Variants in MGMT observed in about 807,000 individuals in gnomAD.
The protein encoded by MGMT is O-6-methylguanine-DNA methyltransferase.
MGMT carries 14 observed loss-of-function variants against 15.9 expected under a neutral mutation model. The observed-to-expected ratio is 0.88, with a 90% confidence interval of 0.58 to 1.37. MGMT has a LOEUF of 1.37. Among genes scored for constraint, MGMT ranks in the 40% most tolerant of loss-of-function variants. The pLI is 0.00. For synonymous variants in MGMT, 130 were observed against 118.2 expected, an observed-to-expected ratio of 1.10 and a Z score of -0.65; for missense variants, 282 against 268.1, an observed-to-expected ratio of 1.05 and a Z score of -0.36.
intron 3 of MGMT, among the ~76,000 whole-genome samples, chr10:129,716,686 C>A (rs1848302639): frequency 6.6e-6 from 1 of 152,142 alleles, no homozygotes; most frequent in Non-Finnish European, 1.5e-5. Flanking sequence ...CCTGCTTTTC[C>A]CCAAGAATTG....
At chr10:129,740,480 A>C (rs1394291359) in intron 3 of MGMT, among the ~76,000 whole-genome samples, 1 of 152,238 alleles carries the variant, frequency 6.6e-6, no homozygotes, top group Non-Finnish European at 1.5e-5. Context: ...GTCAAGGGAT[A>C]GAAAATCAGT....
Position 129,657,674 on chromosome 10 carries a change from A to AACACACACACAC in MGMT, c.126-50200_126-50189dup, listed in dbSNP as rs60284981. Among the ~76,000 whole-genome samples the AACACACACACAC allele has an allele frequency of 1.8e-3, 166 of 93,490 alleles. 1 individual carries two copies. The highest frequency in any genetic ancestry group is 4.2e-3 in the African/African-American group (117 of 27,794). The allele number at this position is 93,490 out of a possible 152,430, so 61.3% of individuals were successfully genotyped here. A position where few individuals can be genotyped will look rare whatever the true frequency, so the allele number is the denominator to read the frequency against. ...GGGGGACAGGCTGGCCAGCTCCTCC[A>AACACACACACAC]ACACACACACACACACACACACACA... On this transcript the variant is annotated intron_variant, in intron 2 of 4. Coordinates refer to ENST00000651593, the MANE Select transcript of MGMT (RefSeq NM_002412.5).
chr10:129,758,456 A>C (rs1444158617), intron 3 of MGMT, among the ~76,000 whole-genome samples: 1 of 151,982 alleles, frequency 6.6e-6, no homozygotes. Context: ...CGCGTGCCCC[A>C]GTTTCTCTCC....
At chr10:129,613,893 G>A (rs11016847) in intron 2 of MGMT, among the ~76,000 whole-genome samples, 37,210 of 152,168 alleles carry the variant, frequency 0.24, 4,806 homozygotes, top group Non-Finnish European at 0.27. Flanking sequence ...GCCGGTCAGT[G>A]CCATGGCTTG....
intron 2 of MGMT, among the ~76,000 whole-genome samples, chr10:129,604,352 A>G (rs541681947): frequency 2.0e-5 from 3 of 152,318 alleles, no homozygotes; most frequent in African/African-American, 7.2e-5. Flanking sequence ...CACTCAGAAA[A>G]ATATTTTATC....
At chr10:129,586,231 CT>C (rs553401266) in intron 2 of MGMT, among the ~76,000 whole-genome samples, 6 of 152,264 alleles carry the variant, frequency 3.9e-5, no homozygotes, top group Admixed American at 3.9e-4. Context: ...GCCACTGTAT[CT>C]CACATATACA....
At chr10:129,535,966 T>C (rs1262331412) in intron 1 of MGMT, among the ~76,000 whole-genome samples, 1 of 152,212 alleles carries the variant, frequency 6.6e-6, no homozygotes, top group East Asian at 1.9e-4. Context: ...TCCTTCGGTG[T>C]TGCGTTGGTT....
chr10:129,583,210 A>T (rs889488159), intron 2 of MGMT, among the ~76,000 whole-genome samples: 5 of 152,228 alleles, frequency 3.3e-5, no homozygotes, highest in African/African-American at 1.2e-4. Flanking sequence ...TTGTAGTAAT[A>T]AGTTAAATTA....
At chr10:129,500,609 G>A (rs770218675) in intron 1 of MGMT, among the ~76,000 whole-genome samples, 7 of 152,138 alleles carry the variant, frequency 4.6e-5, no homozygotes, top group African/African-American at 7.2e-5. Context: ...TTGCCCAGGT[G>A]CAGTGGTGCG....
chr10:129,657,561 G>A (rs1337301912), intron 2 of MGMT, among the ~76,000 whole-genome samples: 1 of 151,652 alleles, frequency 6.6e-6, no homozygotes, highest in African/African-American at 2.4e-5. Context: ...GAATTCTAAA[G>A]CAGGGAGGAG....
rs1845981285 is a variant in MGMT at position 129,536,176 on chromosome 10, TG to T, written c.-12-64del. 3.9e-6 allele frequency: 6 copies of T among 1,543,618 alleles called. No homozygotes were observed. The Admixed American group carries it at 1.2e-4, about 30-fold the overall frequency. On this transcript the variant is annotated intron_variant, in intron 1 of 4. Coordinates refer to ENST00000651593, the MANE Select transcript of MGMT (RefSeq NM_002412.5). ...TGTCTTAAATAACCAGTACTTCTGT[TG>T]TGTGTTTTATATACGACCAGCCTCT...
At chr10:129,502,516 A>G (rs1265935745) in intron 1 of MGMT, among the ~76,000 whole-genome samples, 1 of 152,082 alleles carries the variant, frequency 6.6e-6, no homozygotes, top group African/African-American at 2.4e-5. Context: ...TGATCACATA[A>G]TTGTTTTATT....
intron 2 of MGMT, among the ~76,000 whole-genome samples, chr10:129,703,103 G>A (rs1374896561): frequency 3.3e-5 from 5 of 152,142 alleles, no homozygotes; most frequent in African/African-American, 1.2e-4. Context: ...ATAAATCATT[G>A]CTTCAGAATC....
chr10:129,665,099 A>G (rs1847641752), intron 2 of MGMT, among the ~76,000 whole-genome samples: 1 of 152,088 alleles, frequency 6.6e-6, no homozygotes, highest in Non-Finnish European at 1.5e-5. Context: ...ACTCAAGTGA[A>G]CAAAAACAGA....
intron 2 of MGMT, among the ~76,000 whole-genome samples, chr10:129,686,665 C>T (rs913204657): frequency 1.2e-4 from 19 of 152,114 alleles, no homozygotes; most frequent in African/African-American, 4.3e-4. Context: ...GCCCGGCCTG[C>T]CAGGGCTGTT....
At position 129,552,959 on chromosome 10, in the gene MGMT, CTATT is replaced by C. The variant is rs543529423; in HGVS notation, c.125+16587_125+16590del. Among the ~76,000 whole-genome samples the C allele has an allele frequency of 2.1e-4, 32 of 152,156 alleles. No individual in the cohort carries two copies. The East Asian group carries it at 5.8e-3, about 28-fold the overall frequency. ...ACTATGTCAGCTGCCTTGCTTTTTT[CTATT>C]TATTAAAACTTTTCAAGCAGTAAAA... On this transcript the variant is annotated intron_variant, in intron 2 of 4. Transcript: ENST00000651593.
rs938942840 is a variant in MGMT, at chr10:129,707,404, G to A, written c.126-491G>A. ...GGAAACACAGAGTAGGCCCTCTGGA[G>A]CGTGGGAATCAGGGGACTGCAGGTA... On this transcript the variant is annotated intron_variant, in intron 2 of 4. Transcript: ENST00000651593. Among the ~76,000 whole-genome samples, 3 of 151,852 alleles carry A rather than the reference G, an allele frequency of 2.0e-5. No homozygotes were observed. In the East Asian group the frequency reaches 5.9e-4, roughly 30 times the overall value.
intron 2 of MGMT, among the ~76,000 whole-genome samples, chr10:129,564,609 C>CCCT (rs1183900607): frequency 4.1e-5 from 3 of 73,292 alleles, no homozygotes; most frequent in African/African-American, 9.7e-5. Context: ...CTCCTCCTCC[C>CCCT]CCTCCTCCTC....
intron 3 of MGMT, among the ~76,000 whole-genome samples, chr10:129,713,768 C>A (rs540613875): frequency 1.3e-5 from 2 of 152,256 alleles, no homozygotes; most frequent in East Asian, 3.9e-4. Context: ...CGTTTACTTA[C>A]ACCAGCCCTG....
Sources: allele counts gnomAD v4.1 joint callset (sites outside exome capture counted in the v4.1 genomes callset), GRCh38; gene constraint gnomAD v4.1.1; transcripts MANE v1.5; gene names NCBI Gene and HGNC (gene_info 2026-07-23, HGNC 2026-07-21).